Variants in ERC2 observed in about 807,000 individuals in gnomAD.
ERC2 encodes the protein ERC protein 2.
ERC2 carries 42 observed loss-of-function variants against 114.8 expected under a neutral mutation model. The ratio of observed to expected loss-of-function variants is 0.37; its 90% CI spans 0.29 to 0.47. The LOEUF (loss-of-function observed/expected upper bound fraction) is 0.47. Ranked by LOEUF, ERC2 falls within the 20% of genes least tolerant of loss-of-function variation. The pLI, the probability that ERC2 is intolerant of heterozygous loss-of-function variation, is 0.99. For synonymous variants in ERC2, 454 were observed against 425.5 expected, an observed-to-expected ratio of 1.07 and a Z score of -0.82; for missense variants, 939 against 1,150.7, an observed-to-expected ratio of 0.82 and a Z score of 2.66.
At chr3:56,343,625 A>G (rs1331680746) in intron 2 of ERC2, among the ~76,000 whole-genome samples, 1 of 152,142 alleles carries the variant, frequency 6.6e-6, no homozygotes, top group Non-Finnish European at 1.5e-5. Flanking sequence ...TCTAAAATAA[A>G]TAATTATCCA....
At chr3:56,309,285 G>A (rs2056405691) in intron 2 of ERC2, among the ~76,000 whole-genome samples, 2 of 152,192 alleles carry the variant, frequency 1.3e-5, no homozygotes, top group African/African-American at 4.8e-5. Context: ...CACTGTCATT[G>A]ATAACTGCAT....
intron 14 of ERC2, among the ~76,000 whole-genome samples, chr3:55,790,631 C>T (rs571934879): frequency 2.3e-4 from 35 of 152,312 alleles, no homozygotes; most frequent in African/African-American, 8.2e-4. Context: ...TCCCCCACCT[C>T]CAGATAAGCT....
chr3:55,805,413 T>C (rs988168505), intron 14 of ERC2, among the ~76,000 whole-genome samples: 1 of 151,772 alleles, frequency 6.6e-6, no homozygotes, highest in Non-Finnish European at 1.5e-5. Context: ...CTCAGAGAGA[T>C]TCAGTACCTT....
intron 6 of ERC2, among the ~76,000 whole-genome samples, chr3:56,106,614 A>T (rs1213281209): frequency 1.3e-5 from 2 of 152,162 alleles, no homozygotes; most frequent in Non-Finnish European, 2.9e-5. Context: ...TTATTTTTTT[A>T]AATTTGTAAT....
At chr3:56,258,640 C>T (rs529559890) in intron 3 of ERC2, among the ~76,000 whole-genome samples, 4 of 152,142 alleles carry the variant, frequency 2.6e-5, no homozygotes, top group East Asian at 1.9e-4. Context: ...GGCAACACAG[C>T]GAGACTCCGT....
rs539460990 is a variant in ERC2, at chr3:55,591,785, TTCTA to T, written c.*40-80513_*40-80510del. On this transcript the variant is annotated intron_variant, in intron 17 of 17. Coordinates refer to ENST00000288221, the MANE Select transcript of ERC2 (RefSeq NM_015576.3). The stretch of plus-strand genomic sequence containing the variant: ...CCCATCCCCATTATTCTTGTCCTTC[TTCTA>T]TCCTGTGAGGTACATTCTATTTTTC... Among the ~76,000 whole-genome samples, 12 of 152,302 alleles carry T rather than the reference TTCTA, an allele frequency of 7.9e-5. No individual in the cohort carries two copies. The East Asian group carries it at 1.9e-3, about 24-fold the overall frequency.
intron 17 of ERC2, among the ~76,000 whole-genome samples, chr3:55,530,983 T>A (rs1275702302): frequency 6.6e-6 from 1 of 152,146 alleles, no homozygotes; most frequent in Non-Finnish European, 1.5e-5. Flanking sequence ...CAACTGACCT[T>A]TTGAAGTCTG....
At chr3:55,677,266 C>A (rs1240809129) in intron 17 of ERC2, among the ~76,000 whole-genome samples, 1 of 152,056 alleles carries the variant, frequency 6.6e-6, no homozygotes, top group Non-Finnish European at 1.5e-5. Context: ...TTTGCTATAC[C>A]CAAGTGTTAT....
At chr3:55,954,640 C>T (rs535904995) in intron 12 of ERC2, among the ~76,000 whole-genome samples, 117 of 152,288 alleles carry the variant, frequency 7.7e-4, no homozygotes, top group African/African-American at 2.7e-3. Flanking sequence ...TACCCATCTG[C>T]TTTCAAAAAC....
At chr3:55,695,265 CT>C (rs2062867584) in intron 16 of ERC2, among the ~76,000 whole-genome samples, 3 of 152,222 alleles carry the variant, frequency 2.0e-5, no homozygotes, top group Non-Finnish European at 4.4e-5. Flanking sequence ...ACACCAGCAG[CT>C]TGTGTCATGG....
intron 2 of ERC2, among the ~76,000 whole-genome samples, chr3:56,310,990 C>G (rs2056504249): frequency 6.6e-6 from 1 of 151,614 alleles, no homozygotes; most frequent in Non-Finnish European, 1.5e-5. Context: ...TCCTGAGAAA[C>G]AGACTGAAAA....
chr3:55,935,900 T>C (rs1243789426), intron 13 of ERC2, among the ~76,000 whole-genome samples: 1 of 152,198 alleles, frequency 6.6e-6, no homozygotes, highest in African/African-American at 2.4e-5. Context: ...CATCTTCAAA[T>C]GCCAACAAGA....
intron 14 of ERC2, among the ~76,000 whole-genome samples, chr3:55,817,257 C>T (rs546076737): frequency 6.6e-6 from 1 of 152,326 alleles, no homozygotes; most frequent in East Asian, 1.9e-4. Context: ...CTGAACCCAG[C>T]TCTGACTTGC....
In ERC2 at chr3:55,583,387, T is replaced by TTTCCCTCCTTCCTTCCTTCC. The variant is rs1454611481; in HGVS notation, c.*40-72112_*40-72111insGGAAGGAAGGAAGGAGGGAA. ...CCTGCCTGCCTTCTTTCCTTCTTTCTTTCCTTCCTTCTTTCCTTCCTTCCT... is the reference window on the plus strand; with the variant it reads ...CCTGCCTGCCTTCTTTCCTTCTTTCTTTCCCTCCTTCCTTCCTTCCTTCCTTCCTTCTTTCCTTCCTTCCT... On this transcript the variant is annotated intron_variant, in intron 17 of 17. Coordinates refer to ENST00000288221, the MANE Select transcript of ERC2 (RefSeq NM_015576.3). 7.1e-4 allele frequency among the ~76,000 whole-genome samples: 91 copies of TTTCCCTCCTTCCTTCCTTCC among 127,760 alleles called. 1 individual carries two copies. The highest frequency in any genetic ancestry group is 3.4e-3 in the Admixed American group (44 of 12,956). The allele number at this position is 127,760 out of a possible 152,430, so 83.8% of individuals were successfully genotyped here.
intron 14 of ERC2, among the ~76,000 whole-genome samples, chr3:55,787,397 A>G (rs2069600502): frequency 6.6e-6 from 1 of 152,150 alleles, no homozygotes; most frequent in Non-Finnish European, 1.5e-5. Context: ...AGCCTGGGTA[A>G]CAGAGTGAGA....
At position 55,841,012 on chromosome 3, in the gene ERC2, G is replaced by T. The variant is rs1434660211; in HGVS notation, c.2564+47377C>A. Among the ~76,000 whole-genome samples the T allele has an allele frequency of 7.9e-5, 12 of 152,186 alleles. No individual in the cohort carries two copies. In the South Asian group the frequency reaches 2.5e-3, roughly 32 times the overall value. On this transcript the variant is annotated intron_variant, in intron 14 of 17. Transcript: ENST00000288221. Reference sequence around the variant, plus strand: ...TACAAAGAGGCATTAGGAAATTTGGGGTAGTAATGGATATGTTCATTAACC... The same window carrying T: ...TACAAAGAGGCATTAGGAAATTTGGTGTAGTAATGGATATGTTCATTAACC...
chr3:55,978,790 T>C (rs2069811722), intron 12 of ERC2, among the ~76,000 whole-genome samples: 1 of 152,244 alleles, frequency 6.6e-6, no homozygotes, highest in African/African-American at 2.4e-5. Flanking sequence ...TTTAGTTTTC[T>C]ACACTGAATG....
intron 3 of ERC2, among the ~76,000 whole-genome samples, chr3:56,209,950 A>G (rs1212657371): frequency 6.6e-6 from 1 of 152,222 alleles, no homozygotes; most frequent in African/African-American, 2.4e-5. Flanking sequence ...AACATACTAC[A>G]GTATAAAAAT....
chr3:56,244,822 G>C (rs1404774239), intron 3 of ERC2, among the ~76,000 whole-genome samples: 1 of 152,130 alleles, frequency 6.6e-6, no homozygotes, highest in Non-Finnish European at 1.5e-5. Context: ...CTCACTCACT[G>C]ACTCACCCAG....
Sources: allele counts gnomAD v4.1 joint callset (sites outside exome capture counted in the v4.1 genomes callset), GRCh38; gene constraint gnomAD v4.1.1; transcripts MANE v1.5; gene names NCBI Gene and HGNC (gene_info 2026-07-23, HGNC 2026-07-21).